The following VDAC1 variants were observed in gnomAD, a reference collection of about 807,000 sequenced individuals.
VDAC1 encodes voltage dependent anion channel 1.
Under a neutral mutation model 34.7 loss-of-function variants are expected in VDAC1, and 10 were observed. The ratio of observed to expected loss-of-function variants is 0.29; its 90% CI spans 0.18 to 0.49. VDAC1 has a LOEUF of 0.49. Ranked by LOEUF, VDAC1 falls within the 20% of genes least tolerant of loss-of-function variation. The pLI is 0.99. For synonymous variants in VDAC1, 130 were observed against 136.0 expected, an observed-to-expected ratio of 0.96 and a Z score of 0.30; for missense variants, 230 against 347.9, an observed-to-expected ratio of 0.66 and a Z score of 2.69.
At chr5:134,021,875 GA>G in the VDAC1 span, among the ~76,000 whole-genome samples, 1 of 122,124 alleles carries the variant, frequency 8.2e-6, no homozygotes, top group South Asian at 2.8e-4. Context: ...GAAAGCCTGT[GA>G]TTTTTTTTTT....
chr5:134,094,788 C>A, the VDAC1 span, among the ~76,000 whole-genome samples: 1 of 151,880 alleles, frequency 6.6e-6, no homozygotes, highest in Non-Finnish European at 1.5e-5. Context: ...GAGCAGCCTG[C>A]AGAGTAGGGA....
chr5:134,098,204 T>TATCATC, the VDAC1 span, among the ~76,000 whole-genome samples: 1 of 72,662 alleles, frequency 1.4e-5, no homozygotes, highest in Non-Finnish European at 3.0e-5. Flanking sequence ...TTATTATTAT[T>TATCATC]ATTATTTTGA....
chr5:134,045,301 A>G, the VDAC1 span, among the ~76,000 whole-genome samples: 1 of 152,248 alleles, frequency 6.6e-6, no homozygotes, highest in Non-Finnish European at 1.5e-5. Context: ...GCTGAAGTCC[A>G]GTGTATCAGC....
At chr5:134,058,332 G>C in the VDAC1 span, among the ~76,000 whole-genome samples, 2,107 of 143,024 alleles carry the variant, frequency 0.015, 56 homozygotes, top group African/African-American at 0.048. Flanking sequence ...TTTTTTTTTT[G>C]AGACGGAGTC....
At chr5:134,078,324 G>T in the VDAC1 span, among the ~76,000 whole-genome samples, 2 of 152,160 alleles carry the variant, frequency 1.3e-5, no homozygotes, top group African/African-American at 2.4e-5. Context: ...GGCAGGACAG[G>T]GGGGAGGCGA....
chr5:134,062,847 G>A, the VDAC1 span, among the ~76,000 whole-genome samples: 1 of 149,248 alleles, frequency 6.7e-6, no homozygotes, highest in East Asian at 1.9e-4. Context: ...GGCTGGTCTC[G>A]AAGCCCTGAC....
At chr5:134,021,712 T>G in the VDAC1 span, among the ~76,000 whole-genome samples, 1 of 152,174 alleles carries the variant, frequency 6.6e-6, no homozygotes, top group Non-Finnish European at 1.5e-5. Context: ...CAAAATGTGG[T>G]GCACATGAGA....
At chr5:134,104,673 GA>G in the VDAC1 span, among the ~76,000 whole-genome samples, 3 of 152,202 alleles carry the variant, frequency 2.0e-5, no homozygotes, top group African/African-American at 7.2e-5. Context: ...GGGAGAAAAG[GA>G]GAGAAATTCT....
intron 5 of VDAC1, among the ~76,000 whole-genome samples, chr5:133,983,760 T>C (rs757334346): frequency 9.9e-5 from 15 of 152,172 alleles, no homozygotes; most frequent in Admixed American, 3.9e-4. Context: ...GTCCCCAGTG[T>C]TGGACCTGCT....
At chr5:134,007,839 C>T (rs1753781448), upstream of VDAC1, among the ~76,000 whole-genome samples, 1 of 152,122 alleles carries the variant, frequency 6.6e-6, no homozygotes. Flanking sequence ...TCTTGCCATG[C>T]GTGGGTTTCC....
At chr5:134,060,880 C>CTCTTTTTTTTT in the VDAC1 span, among the ~76,000 whole-genome samples, 1 of 98,682 alleles carries the variant, frequency 1.0e-5, no homozygotes, top group East Asian at 3.4e-4. Context: ...TCTTCTTCTT[C>CTCTTTTTTTTT]TTTTTTTTTT....
chr5:133,977,471 C>CA (rs1458066454), intron 6 of VDAC1, among the ~76,000 whole-genome samples: 1 of 152,226 alleles, frequency 6.6e-6, no homozygotes, highest in Non-Finnish European at 1.5e-5. Flanking sequence ...TTCAGTCATT[C>CA]AAATTCTCCT....
chr5:134,060,836 C>T, the VDAC1 span, among the ~76,000 whole-genome samples: 4 of 148,420 alleles, frequency 2.7e-5, no homozygotes, highest in African/African-American at 9.9e-5. Context: ...ATATAGTAGA[C>T]ATACTTGTGC....
chr5:134,094,530 CACTAAAAAT>C, the VDAC1 span, among the ~76,000 whole-genome samples: 1 of 151,916 alleles, frequency 6.6e-6, no homozygotes, highest in Non-Finnish European at 1.5e-5. Context: ...ACCCTGTCTC[CACTAAAAAT>C]ACAAAAAATT....
chr5:134,084,825 C>T, the VDAC1 span, among the ~76,000 whole-genome samples: 2 of 152,366 alleles, frequency 1.3e-5, no homozygotes, highest in South Asian at 2.1e-4. Context: ...TGAACTGTCA[C>T]GCCTGGCAGA....
chr5:133,983,039 C>T (rs532842809), intron 5 of VDAC1, among the ~76,000 whole-genome samples: 4 of 151,868 alleles, frequency 2.6e-5, no homozygotes, highest in East Asian at 1.9e-4. Context: ...CACCTGAGGT[C>T]GGGAGTTCGA....
At chr5:134,100,949 CT>C in the VDAC1 span, among the ~76,000 whole-genome samples, 2 of 152,258 alleles carry the variant, frequency 1.3e-5, no homozygotes, top group Non-Finnish European at 2.9e-5. Flanking sequence ...GGCCCCAGGG[CT>C]CCATGCTCAT....
At chr5:134,035,607 G>A in the VDAC1 span, among the ~76,000 whole-genome samples, 1 of 152,136 alleles carries the variant, frequency 6.6e-6, no homozygotes, top group Non-Finnish European at 1.5e-5. Context: ...ATGTCCATAA[G>A]TCCATACTGA....
chr5:133,997,560 A>G lies in VDAC1; in HGVS notation c.-6-4542T>C, dbSNP rs560433660. Among the ~76,000 whole-genome samples the G allele has an allele frequency of 2.4e-4, 37 of 151,782 alleles. 2 individuals are homozygous for G. The highest frequency in any genetic ancestry group is 2.0e-4 in the Admixed American group (3 of 15,236). On this transcript the variant is annotated intron_variant, in intron 1 of 8. Transcript: ENST00000265333. Reference sequence around the variant, plus strand: ...TAAAAATAAAAAAAAAATAAAAAAAAAAAATCACCCAGGTGTGATGGTGCA... The same window carrying G: ...TAAAAATAAAAAAAAAATAAAAAAAGAAAATCACCCAGGTGTGATGGTGCA...
Sources: gnomAD v4.1 joint callset for allele counts (sites outside exome capture counted in the v4.1 genomes callset) on GRCh38, gnomAD v4.1.1 for gene constraint, MANE v1.5 for transcripts, NCBI Gene and HGNC (gene_info 2026-07-23, HGNC 2026-07-21) for gene names.